The following LRIT1 variants were observed in gnomAD, a reference collection of about 807,000 sequenced individuals.
LRIT1 encodes leucine rich repeat, Ig-like and transmembrane domains 1, also known as leucine-rich repeat, immunoglobulin-like domain and transmembrane domain-containing protein 1.
Under a neutral mutation model 24.0 loss-of-function variants are expected in LRIT1, and 23 were observed. That is an observed-to-expected ratio of 0.96 (90% CI 0.69 to 1.36). The LOEUF (loss-of-function observed/expected upper bound fraction) is 1.36. LRIT1 is among the 40% of genes most tolerant of loss of function. The pLI, the probability that LRIT1 is intolerant of heterozygous loss-of-function variation, is 0.00. For missense variants in LRIT1, 846 were observed against 806.3 expected, an observed-to-expected ratio of 1.05 and a Z score of -0.60; for synonymous variants, 361 against 340.5, an observed-to-expected ratio of 1.06 and a Z score of -0.66.
At position 84,237,296 on chromosome 10, in the gene LRIT1, C is replaced by CG; in HGVS notation, c.512dup (p.Gln172AlafsTer35). 5.8e-6 allele frequency: 9 copies of CG among 1,550,966 alleles called. No individual in the cohort carries two copies. The highest frequency in any genetic ancestry group is 7.8e-6 in the Non-Finnish European group (9 of 1,146,960). ...GAGCCCAGGAGACGATGAGCTCCTG[C>CG]GGGAGCCTCATCAGCTGGTTGCTGG... On this transcript the variant is annotated frameshift_variant, in exon 2 of 4. Transcript: ENST00000372105. LOFTEE classifies it high-confidence loss of function.
chr10:84,236,996 G>T (rs984903323), intron 2 of LRIT1, among the ~76,000 whole-genome samples: 1 of 152,066 alleles, frequency 6.6e-6, no homozygotes, highest in African/African-American at 2.4e-5. Flanking sequence ...AGTCTCAGGG[G>T]CCTTCTCCTG....
At position 84,231,673 on chromosome 10, in the gene LRIT1, A is replaced by C; in HGVS notation, c.*254T>G. 2.9e-5 allele frequency: 14 copies of C among 474,686 alleles called. No individual in the cohort carries two copies. Among genetic ancestry groups the C allele is most frequent in the East Asian group, 7.4e-5 (2 of 27,146 alleles). 29.4% of individuals were successfully genotyped at this position (474,686 alleles called of 1,614,324 possible). ...GTTTCTTAACCCCCCACCCCAGGGA[A>C]ATGGAGAGAATAGTGATGCCTGCTG... On this transcript the variant is annotated 3_prime_UTR_variant, in exon 4 of 4. Transcript: ENST00000372105.
In LRIT1 at chr10:84,232,683, A is replaced by G; in HGVS notation, c.1116T>C (p.Ala372=). 1 of 1,613,760 alleles carries G rather than the reference A, an allele frequency of 6.2e-7. No homozygotes were observed. Among genetic ancestry groups the G allele is most frequent in the Non-Finnish European group, 8.5e-7 (1 of 1,179,780 alleles). The part of the protein sequence containing the change: ...WARTGGGGEA[A]AYNNKLVARH... ...TGGCCACCAGCTTGTTGTTGTAAGC[A>G]GCAGCTTCCCCTCCGCCACCTGTCC... The change falls in exon 4 of 4, where the codon GCT becomes GCC. Residue 372 remains alanine, a synonymous_variant. Coordinates refer to ENST00000372105, the MANE Select transcript of LRIT1 (RefSeq NM_015613.3).
intron 1 of LRIT1, among the ~76,000 whole-genome samples, chr10:84,239,932 T>C (rs1362705990): frequency 6.6e-6 from 1 of 152,202 alleles, no homozygotes; most frequent in African/African-American, 2.4e-5. Context: ...GGCTGGTGCA[T>C]GTTAGCCATG....
In LRIT1 at chr10:84,232,309, C is replaced by T; in HGVS notation, c.1490G>A (p.Cys497Tyr). 3.7e-6 allele frequency: 6 copies of T among 1,614,104 alleles called. No individual in the cohort carries two copies. The highest frequency in any genetic ancestry group is 5.1e-6 in the Non-Finnish European group (6 of 1,180,024). The stretch of plus-strand genomic sequence containing the variant: ...GGGCACCAGGCCCTGCACACAGACA[C>T]ACGCCACATACTTGGTCTTGGGCAA... ...GLLPKTKYVA[C>Y]VCVQGLVPRK... The change falls in exon 4 of 4, where the codon TGT becomes TAT. Residue 497 changes from cysteine (C) to tyrosine (Y), a missense_variant. Physicochemically the swap from Cys to Tyr is radical, Grantham distance 194 (BLOSUM62 -2). Transcript: ENST00000372105.
rs781624565 is a variant in LRIT1 at position 84,232,434 on chromosome 10, G to A, written c.1365C>T (p.Asn455=). The part of the protein sequence containing the change: ...SLVWKAPQAK[N]TTAFSVLYAV... ...CGTAGAGGACACTGAAGGCAGTTGT[G>A]TTCTTAGCCTGGGGTGCCTTCCACA... The change falls in exon 4 of 4, where the codon AAC becomes AAT. Residue 455 remains asparagine, a synonymous_variant. Coordinates refer to ENST00000372105, the MANE Select transcript of LRIT1 (RefSeq NM_015613.3). The A allele has an allele frequency of 1.9e-6, 3 of 1,614,170 alleles. No individual in the cohort carries two copies. The highest frequency in any genetic ancestry group is 2.2e-5 in the South Asian group (2 of 91,084).
At chr10:84,236,082 G>A (rs1354064906) in intron 2 of LRIT1, among the ~76,000 whole-genome samples, 2 of 151,664 alleles carry the variant, frequency 1.3e-5, no homozygotes, top group East Asian at 2.0e-4. Flanking sequence ...GGATCACGAG[G>A]TCAGGAGATC....
At chr10:84,233,804 C>A (rs1474694606) in intron 3 of LRIT1, among the ~76,000 whole-genome samples, 1 of 152,184 alleles carries the variant, frequency 6.6e-6, no homozygotes, top group African/African-American at 2.4e-5. Context: ...AAAAAGTCAG[C>A]TTTTTGTTCT....
At chr10:84,237,159 C>G in intron 2 of LRIT1, 61 bp downstream of exon 2, 1 of 1,259,154 alleles carries the variant, frequency 7.9e-7, no homozygotes, top group Non-Finnish European at 1.1e-6. Flanking sequence ...TCCAAATAAT[C>G]GAAACTCAGG....
chr10:84,238,191 TA>T (rs1842668092), intron 1 of LRIT1, among the ~76,000 whole-genome samples: 1 of 151,766 alleles, frequency 6.6e-6, no homozygotes, highest in South Asian at 2.1e-4. Context: ...TTGTCTCTAC[TA>T]AAAAATACAA....
At chr10:84,234,529 T>A (rs1266145457) in intron 2 of LRIT1, 151 bp from the exon 3 acceptor site, 3 of 530,540 alleles carry the variant, frequency 5.7e-6, no homozygotes, top group Non-Finnish European at 9.7e-6. Context: ...GCTAGTAGTA[T>A]GACCTGAAAT....
chr10:84,233,469 T>C (rs908634855), intron 3 of LRIT1, among the ~76,000 whole-genome samples: 6 of 149,290 alleles, frequency 4.0e-5, no homozygotes, highest in African/African-American at 1.5e-4. Flanking sequence ...CAACCCACTA[T>C]GTTCTTAAGG....
At chr10:84,238,195 A>T (rs1842668115) in intron 1 of LRIT1, among the ~76,000 whole-genome samples, 1 of 152,018 alleles carries the variant, frequency 6.6e-6, no homozygotes, top group South Asian at 2.1e-4. Flanking sequence ...CTCTACTAAA[A>T]AATACAAAAA....
At chr10:84,238,913 G>A (rs189976387) in intron 1 of LRIT1, among the ~76,000 whole-genome samples, 72 of 152,284 alleles carry the variant, frequency 4.7e-4, no homozygotes, top group Non-Finnish European at 6.6e-4. Context: ...TTTATACTAC[G>A]TAAACTGAAA....
intron 1 of LRIT1, among the ~76,000 whole-genome samples, 190 bp from the exon 2 acceptor site, chr10:84,237,876 T>A (rs745879578): frequency 7.2e-5 from 11 of 152,174 alleles, no homozygotes; most frequent in Non-Finnish European, 1.3e-4. Context: ...TGCAGAGGTC[T>A]TGCTCTCAGA....
In LRIT1 at chr10:84,237,689, G is replaced by C; in HGVS notation, c.123-3C>G. The C allele has an allele frequency of 1.3e-6, 2 of 1,576,072 alleles. No individual in the cohort carries two copies. Among genetic ancestry groups the C allele is most frequent in the Non-Finnish European group, 1.7e-6 (2 of 1,163,518 alleles). On this transcript the variant is annotated splice_region_variant and splice_polypyrimidine_tract_variant and intron_variant, in intron 1 of 3. Transcript: ENST00000372105. ...CGGGGTCGTTGCACACTACTGTCCTGCTGGCAGAAATGAGGGATAGTTGAG... is the reference window on the plus strand; with the variant it reads ...CGGGGTCGTTGCACACTACTGTCCTCCTGGCAGAAATGAGGGATAGTTGAG...
Position 84,237,409 on chromosome 10 carries a change from G to T in LRIT1, c.400C>A (p.Arg134=), listed in dbSNP as rs755791723. The change falls in exon 2 of 4, where the codon CGG becomes AGG. Residue 134 remains arginine, a synonymous_variant. Coordinates refer to ENST00000372105, the MANE Select transcript of LRIT1 (RefSeq NM_015613.3). ...WAALRDAPKL[R]LLDLQANRLS... ...CGGTTGGCCTGCAGGTCCAGCAGCC[G>T]CAGCTTGGGGGCGTCCCTGAGCGCC... The T allele has an allele frequency of 1.9e-6, 3 of 1,547,008 alleles. No individual in the cohort carries two copies. In the South Asian group the frequency reaches 3.6e-5, roughly 18 times the overall value.
chr10:84,239,136 T>C (rs979786073), intron 1 of LRIT1, among the ~76,000 whole-genome samples: 9 of 152,242 alleles, frequency 5.9e-5, no homozygotes, highest in Admixed American at 2.6e-4. Context: ...ACGGATATTC[T>C]TACTCACTCC....
At position 84,237,499 on chromosome 10, in the gene LRIT1, G is replaced by A. The variant is rs776031813; in HGVS notation, c.310C>T (p.Arg104Trp). 1.9e-6 allele frequency: 3 copies of A among 1,598,818 alleles called. No homozygotes were observed. The highest frequency in any genetic ancestry group is 2.5e-6 in the Non-Finnish European group (3 of 1,176,704). The change falls in exon 2 of 4, where the codon CGG becomes TGG. Residue 104 changes from arginine (R) to tryptophan (W), a missense_variant. Arg to Trp is a moderately radical substitution (Grantham distance 101, BLOSUM62 -3). Coordinates refer to ENST00000372105, the MANE Select transcript of LRIT1 (RefSeq NM_015613.3). ...AGCTCCCGCAGGCGTCGCAGGCCCC[G>A]CAGCATGAGGGCGTTGAGCTCGCTG... ...ALSELNALML[R>W]GLRRLRELRL... is the part of the protein sequence containing the mutation.
Sources: gnomAD v4.1 joint callset for allele counts (sites outside exome capture counted in the v4.1 genomes callset) on GRCh38, gnomAD v4.1.1 for gene constraint, MANE v1.5 for transcripts, NCBI Gene and HGNC (gene_info 2026-07-23, HGNC 2026-07-21) for gene names.